Variants in ACSS3 observed in about 807,000 individuals in gnomAD.
ACSS3 encodes the protein acyl-CoA synthetase short chain family member 3, also known as acyl-CoA synthetase short-chain family member 3, mitochondrial.
In ACSS3, 64 loss-of-function variants were observed where a neutral mutation model predicts 84.2. The ratio of observed to expected loss-of-function variants is 0.76; its 90% CI spans 0.62 to 0.94. ACSS3 has a LOEUF of 0.94. Ranked by LOEUF, ACSS3 falls within the 40% of genes least tolerant of loss-of-function variation. The pLI, the probability that ACSS3 is intolerant of heterozygous loss-of-function variation, is 0.00. For missense variants in ACSS3, 815 were observed against 867.6 expected, an observed-to-expected ratio of 0.94 and a Z score of 0.76; for synonymous variants, 317 against 310.1, an observed-to-expected ratio of 1.02 and a Z score of -0.23.
chr12:81,213,951 C>CTTCCTTTCTT (rs2032779514), intron 9 of ACSS3, among the ~76,000 whole-genome samples: 1 of 37,112 alleles, frequency 2.7e-5, no homozygotes, highest in African/African-American at 7.4e-5. Flanking sequence ...CTCTCTCTCC[C>CTTCCTTTCTT]TCTCTCTCTT....
chr12:81,157,765 A>C (rs553477019), intron 7 of ACSS3, among the ~76,000 whole-genome samples: 69 of 152,158 alleles, frequency 4.5e-4, no homozygotes, highest in Admixed American at 9.8e-4. Flanking sequence ...CAAGATCGCA[A>C]CACTGCACTC....
At chr12:81,173,786 A>G (rs1206162895) in intron 7 of ACSS3, among the ~76,000 whole-genome samples, 1 of 152,124 alleles carries the variant, frequency 6.6e-6, no homozygotes, top group Non-Finnish European at 1.5e-5. Context: ...AGAGATCGAG[A>G]ATTTAATCAC....
At chr12:81,126,576 G>A (rs1367605007) in intron 2 of ACSS3, among the ~76,000 whole-genome samples, 4 of 128,970 alleles carry the variant, frequency 3.1e-5, no homozygotes, top group Admixed American at 2.7e-4. Context: ...TTTAACATAA[G>A]TATCAAGGAA....
At chr12:81,184,159 T>C (rs557608997) in intron 8 of ACSS3, among the ~76,000 whole-genome samples, 84 of 152,034 alleles carry the variant, frequency 5.5e-4, no homozygotes, top group Non-Finnish European at 9.7e-4. Flanking sequence ...TTCACAAATA[T>C]GTGGAAATTA....
At chr12:81,125,260 A>G (rs1256956384) in intron 2 of ACSS3, among the ~76,000 whole-genome samples, 3 of 152,098 alleles carry the variant, frequency 2.0e-5, no homozygotes, top group African/African-American at 7.2e-5. Context: ...AAATGTTTCT[A>G]CTACTAGCTA....
intron 8 of ACSS3, among the ~76,000 whole-genome samples, chr12:81,187,009 G>A (rs1221896399): frequency 6.6e-6 from 1 of 151,738 alleles, no homozygotes; most frequent in African/African-American, 2.4e-5. Flanking sequence ...TATATGCAAT[G>A]GAATACCATT....
At chr12:81,234,829 C>G (rs1356589616) in intron 13 of ACSS3, among the ~76,000 whole-genome samples, 1 of 151,004 alleles carries the variant, frequency 6.6e-6, no homozygotes, top group Non-Finnish European at 1.5e-5. Context: ...TTTGCAATTT[C>G]TTTTTCTAGT....
At chr12:81,196,491 G>A (rs1013399951) in intron 8 of ACSS3, among the ~76,000 whole-genome samples, 10 of 151,372 alleles carry the variant, frequency 6.6e-5, no homozygotes, top group African/African-American at 2.4e-4. Context: ...TTTTTTCTCT[G>A]AATGTGGCTA....
At position 81,252,946 on chromosome 12, in the gene ACSS3, C is replaced by T. The variant is rs577571083; in HGVS notation, c.1720-361C>T. Among the ~76,000 whole-genome samples the T allele has an allele frequency of 1.5e-3, 226 of 152,312 alleles. 5 individuals carry two copies. In the South Asian group the frequency reaches 0.044, roughly 30 times the overall value. On this transcript the variant is annotated intron_variant, in intron 13 of 15. Transcript: ENST00000548058. ...TAAGACCAAATCGCCATGAGGCTGC[C>T]TGTTTACAGAGGTTTGTTTACATAC...
chr12:81,120,342 C>T (rs1884474596), intron 2 of ACSS3, among the ~76,000 whole-genome samples: 1 of 152,138 alleles, frequency 6.6e-6, no homozygotes. Context: ...AATGTCCTTA[C>T]AAGTGGAAGT....
At chr12:81,096,134 T>C (rs1356218814) in intron 1 of ACSS3, among the ~76,000 whole-genome samples, 1 of 152,214 alleles carries the variant, frequency 6.6e-6, no homozygotes, top group African/African-American at 2.4e-5. Context: ...ACTTAAAGCC[T>C]GCTCTGTTTC....
At chr12:81,200,592 T>A (rs974855307) in intron 9 of ACSS3, among the ~76,000 whole-genome samples, 1 of 152,106 alleles carries the variant, frequency 6.6e-6, no homozygotes, top group Non-Finnish European at 1.5e-5. Flanking sequence ...TATTGTTCTT[T>A]AAAAATGTGT....
intron 15 of ACSS3, among the ~76,000 whole-genome samples, chr12:81,254,145 G>A (rs879647884): frequency 2.6e-5 from 4 of 152,032 alleles, no homozygotes; most frequent in African/African-American, 7.2e-5. Context: ...GCCCAGGGTG[G>A]TCTTGAATTC....
rs1251584158 is a variant in ACSS3 at position 81,174,936 on chromosome 12, C to G, written c.1247C>G (p.Thr416Arg). 1.9e-6 allele frequency: 3 copies of G among 1,613,174 alleles called. No homozygotes were observed. Among genetic ancestry groups the G allele is most frequent in the Non-Finnish European group, 2.5e-6 (3 of 1,179,532 alleles). The change falls in exon 8 of 16, where the codon ACA becomes AGA. Residue 416 changes from threonine (T) to arginine (R), a missense_variant. By Grantham distance (71) the Thr-to-Arg change is moderately conservative (BLOSUM62 -1). Transcript: ENST00000548058. ...GCTTTGGGGAAGCAGTACTCTCTGA[C>G]AAGGTGACGTTGGGATGCACAGGGC... ...GAALGKQYSL[T>R]RFKTLFVAGE... is the part of the protein sequence containing the mutation.
At chr12:81,132,664 C>T (rs1290515668) in intron 2 of ACSS3, among the ~76,000 whole-genome samples, 1 of 152,102 alleles carries the variant, frequency 6.6e-6, no homozygotes, top group East Asian at 1.9e-4. Context: ...TTTTTAATCT[C>T]ATTTCTTTCA....
At chr12:81,177,202 A>G (rs2030549630) in intron 8 of ACSS3, among the ~76,000 whole-genome samples, 1 of 152,218 alleles carries the variant, frequency 6.6e-6, no homozygotes, top group South Asian at 2.1e-4. Context: ...TACAGCCAAC[A>G]ATATACTGAA....
intron 2 of ACSS3, chr12:81,125,912 CT>C (rs1450479617): frequency 1.3e-5 from 2 of 152,144 alleles, no homozygotes; most frequent in Non-Finnish European, 2.9e-5. Flanking sequence ...ATTTTTACCC[CT>C]ATTACGCAAT....
In ACSS3 at chr12:81,152,338, A is replaced by G. The variant is rs182659066; in HGVS notation, c.1098+242A>G. 2.7e-3 allele frequency among the ~76,000 whole-genome samples: 266 copies of G among 97,216 alleles called. 1 individual carries two copies. The highest frequency in any genetic ancestry group is 4.0e-3 in the Non-Finnish European group (153 of 38,236). The allele number at this position is 97,216 out of a possible 152,430, so 63.8% of individuals were successfully genotyped here. A position where few individuals can be genotyped will look rare whatever the true frequency, so the allele number is the denominator to read the frequency against. ...AAGAACATACAAAAACAAGCTTTAT[A>G]TCTATCCCTAACATTTCTAGAAATT... is the stretch of plus-strand genomic sequence containing the variant. On this transcript the variant is annotated intron_variant, in intron 7 of 15. Transcript: ENST00000548058.
intron 2 of ACSS3, among the ~76,000 whole-genome samples, chr12:81,111,533 A>T (rs1382404616): frequency 6.6e-6 from 1 of 152,178 alleles, no homozygotes. Context: ...GGCAACTTCC[A>T]TTTAACCTAA....
Sources: gnomAD v4.1 joint callset for allele counts (sites outside exome capture counted in the v4.1 genomes callset) on GRCh38, gnomAD v4.1.1 for gene constraint, MANE v1.5 for transcripts, NCBI Gene and HGNC (gene_info 2026-07-23, HGNC 2026-07-21) for gene names.